Variants in IARS2 observed in about 807,000 individuals in gnomAD.
IARS2 encodes the protein isoleucyl-tRNA synthetase 2, mitochondrial.
In IARS2, 56 loss-of-function variants were observed where a neutral mutation model predicts 126.3. The ratio of observed to expected loss-of-function variants is 0.44; its 90% CI spans 0.36 to 0.55. The LOEUF (loss-of-function observed/expected upper bound fraction) is 0.55, where lower values mean the gene tolerates loss of function less well. Ranked by LOEUF, IARS2 falls within the 20% of genes least tolerant of loss-of-function variation. IARS2 has a pLI of 0.00. For missense variants in IARS2, 1,127 were observed against 1,245.9 expected (o/e 0.90, Z 1.44); for synonymous variants, 407 against 441.1 (o/e 0.92, Z 0.97).
At chr1:220,128,972 G>C (rs949469737) in intron 14 of IARS2, among the ~76,000 whole-genome samples, 2 of 151,362 alleles carry the variant, frequency 1.3e-5, no homozygotes, top group African/African-American at 4.9e-5. Context: ...TGCGATCTCA[G>C]CTTGAGTTCA....
At chr1:220,126,986 A>C in intron 14 of IARS2, 143 bp downstream of exon 14, 1 of 569,882 alleles carries the variant, frequency 1.8e-6, no homozygotes. Context: ...AAAGACCCTT[A>C]GAGTTTACTT....
chr1:220,095,626 A>G (rs1052427747), intron 1 of IARS2, among the ~76,000 whole-genome samples: 3 of 152,198 alleles, frequency 2.0e-5, no homozygotes, highest in African/African-American at 7.2e-5. Context: ...GTAAGTGCAC[A>G]GTAACCTGGA....
At chr1:220,103,337 C>T (rs1006023746) in intron 7 of IARS2, 110 bp from the exon 8 acceptor site, 20 of 663,248 alleles carry the variant, frequency 3.0e-5, no homozygotes, top group African/African-American at 7.3e-5. Context: ...CATGAGCCAC[C>T]GCGCTGGCCT....
At chr1:220,117,373 A>AT (rs1656939017) in intron 12 of IARS2, among the ~76,000 whole-genome samples, 1 of 150,886 alleles carries the variant, frequency 6.6e-6, no homozygotes, top group Non-Finnish European at 1.5e-5. Flanking sequence ...ATATATATAT[A>AT]TTTTTTAGTA....
intron 2 of IARS2, 128 bp downstream of exon 2, chr1:220,096,354 A>G: frequency 1.5e-6 from 1 of 678,338 alleles, no homozygotes; most frequent in Non-Finnish European, 2.3e-6. Flanking sequence ...ACATTTTCAT[A>G]GAAAGCAATA....
intron 11 of IARS2, among the ~76,000 whole-genome samples, chr1:220,113,792 G>A (rs1190341329): frequency 6.6e-6 from 1 of 152,140 alleles, no homozygotes; most frequent in African/African-American, 2.4e-5. Flanking sequence ...TTACAGGTTT[G>A]AACCACATAC....
intron 10 of IARS2, among the ~76,000 whole-genome samples, chr1:220,108,856 C>CTTTTTT (rs35836043): frequency 4.4e-5 from 3 of 68,262 alleles, no homozygotes; most frequent in African/African-American, 1.5e-4. Flanking sequence ...TGTGAATCCT[C>CTTTTTT]TTTTTTTTTT....
chr1:220,146,103 T>C (rs1396454877), intron 22 of IARS2, among the ~76,000 whole-genome samples: 1 of 152,186 alleles, frequency 6.6e-6, no homozygotes, highest in Non-Finnish European at 1.5e-5. Flanking sequence ...GGAGGAAGTT[T>C]TATTGAGCTC....
In IARS2 at chr1:220,108,530, C is replaced by T. The variant is rs370881299; in HGVS notation, c.1327+1379C>T. Among the ~76,000 whole-genome samples, 118 of 151,458 alleles carry T rather than the reference C, an allele frequency of 7.8e-4. 2 individuals are homozygous for T. In the South Asian group the frequency reaches 0.023, roughly 30 times the overall value. ...TCTCTCGAGTAGCTGGGACTACAGGCGCCTGCCACCATGCCCAGCTAATTT... is the reference window on the plus strand; with the variant it reads ...TCTCTCGAGTAGCTGGGACTACAGGTGCCTGCCACCATGCCCAGCTAATTT... On this transcript the variant is annotated intron_variant, in intron 10 of 22. Transcript: ENST00000366922.
At position 220,138,994 on chromosome 1, in the gene IARS2, C is replaced by T; in HGVS notation, c.2176-14C>T. The T allele has an allele frequency of 1.3e-6, 2 of 1,593,040 alleles. No individual in the cohort carries two copies. Among genetic ancestry groups the T allele is most frequent in the Admixed American group, 1.8e-5 (1 of 54,604 alleles). ...AGATTTTTTTAACTGCATATTTTTT[C>T]TTCCTATGAATAGCTTAGGAATACA... On this transcript the variant is annotated splice_polypyrimidine_tract_variant and intron_variant, in intron 17 of 22. Coordinates refer to ENST00000366922, the MANE Select transcript of IARS2 (RefSeq NM_018060.4).
intron 14 of IARS2, among the ~76,000 whole-genome samples, chr1:220,133,325 C>T (rs983035936): frequency 6.6e-6 from 1 of 152,154 alleles, no homozygotes; most frequent in Non-Finnish European, 1.5e-5. Context: ...TTATTTCTTG[C>T]TTAACATAAA....
intron 14 of IARS2, among the ~76,000 whole-genome samples, chr1:220,132,840 T>C (rs1657297715): frequency 6.6e-6 from 1 of 152,080 alleles, no homozygotes; most frequent in Non-Finnish European, 1.5e-5. Context: ...GTCTCCTTTT[T>C]CATTTCTGAT....
intron 12 of IARS2, 91 bp from the exon 13 acceptor site, chr1:220,125,146 G>T: frequency 1.4e-6 from 1 of 706,244 alleles, no homozygotes; most frequent in Non-Finnish European, 2.2e-6. Context: ...TGAGGAAAAA[G>T]GAAAATAAAT....
At chr1:220,146,358 T>C (rs950024949) in intron 22 of IARS2, among the ~76,000 whole-genome samples, 1 of 151,332 alleles carries the variant, frequency 6.6e-6, no homozygotes, top group Non-Finnish European at 1.5e-5. Flanking sequence ...CTACTAAAAA[T>C]ACAAAAAAAA....
At chr1:220,104,775 C>T (rs1656646989) in intron 8 of IARS2, among the ~76,000 whole-genome samples, 1 of 152,154 alleles carries the variant, frequency 6.6e-6, no homozygotes, top group Non-Finnish European at 1.5e-5. Context: ...CTCAAGTGTT[C>T]CTCCTGCCTC....
intron 3 of IARS2, among the ~76,000 whole-genome samples, chr1:220,101,243 T>G (rs1656564708): frequency 6.6e-6 from 1 of 152,208 alleles, no homozygotes; most frequent in South Asian, 2.1e-4. Flanking sequence ...AAGGAATAAT[T>G]TTTCCAGTTT....
intron 17 of IARS2, among the ~76,000 whole-genome samples, chr1:220,138,304 C>G (rs1415865044): frequency 6.6e-6 from 1 of 152,068 alleles, no homozygotes; most frequent in South Asian, 2.1e-4. Flanking sequence ...AACCCTGTCT[C>G]TACTAAAAAT....
intron 16 of IARS2, among the ~76,000 whole-genome samples, chr1:220,137,153 A>C (rs566026038): frequency 6.6e-6 from 1 of 152,264 alleles, no homozygotes; most frequent in South Asian, 2.1e-4. Flanking sequence ...GAGAGCCTTT[A>C]AAATGTGTAG....
chr1:220,100,602 T>C lies in IARS2; in HGVS notation c.503T>C (p.Leu168Pro). 3 of 1,612,208 alleles carry C rather than the reference T, an allele frequency of 1.9e-6. No individual in the cohort carries two copies. Among genetic ancestry groups the C allele is most frequent in the African/African-American group, 2.7e-5 (2 of 75,002 alleles). Residue 168 changes from leucine (L) to proline (P), a missense_variant, in exon 3 of 23, where the codon CTT becomes CCT. By Grantham distance (98) the Leu-to-Pro change is moderately conservative. Transcript: ENST00000366922. ...LPIEIKVLSELGREAQNLSAM... is the reference protein window; with the variant it reads ...LPIEIKVLSEPGREAQNLSAM... ...ATTGAAATAAAAGTATTATCAGAAC[T>C]TGGTAGAGAAGCTCAGAATCTTTCA...
Sources: allele counts gnomAD v4.1 joint callset (sites outside exome capture counted in the v4.1 genomes callset), GRCh38; gene constraint gnomAD v4.1.1; transcripts MANE v1.5; gene names NCBI Gene and HGNC (gene_info 2026-07-23, HGNC 2026-07-21).